Variants in CEP63 observed in about 807,000 individuals in gnomAD.
CEP63 encodes centrosomal protein of 63 kDa.
A neutral mutation model predicts 89.1 loss-of-function variants in CEP63; 84 were observed. The ratio of observed to expected loss-of-function variants is 0.94; its 90% CI spans 0.79 to 1.13. The LOEUF (loss-of-function observed/expected upper bound fraction) is 1.13. CEP63 is among the 50% of genes most tolerant of loss of function. The pLI, the probability that CEP63 is intolerant of heterozygous loss-of-function variation, is 0.00. For synonymous variants in CEP63, 267 were observed against 272.5 expected (o/e 0.98, Z 0.20); for missense variants, 838 against 813.3 (o/e 1.03, Z -0.37).
At chr3:134,665,766 C>A in the CEP63 span, among the ~76,000 whole-genome samples, 1 of 150,350 alleles carries the variant, frequency 6.7e-6, no homozygotes, top group Non-Finnish European at 1.5e-5. Flanking sequence ...GAGAGACAGA[C>A]AAACAGACAC....
downstream of CEP63, among the ~76,000 whole-genome samples, chr3:134,577,325 A>G (rs111799798): frequency 6.7e-6 from 1 of 150,074 alleles, no homozygotes; most frequent in Non-Finnish European, 1.5e-5. Flanking sequence ...AGCATGGATG[A>G]TTTTTTCTCT....
chr3:134,650,578 G>A, the CEP63 span, among the ~76,000 whole-genome samples: 92,670 of 152,074 alleles, frequency 0.61, 29,040 homozygotes, highest in East Asian at 0.89. Context: ...CAGGGGTGAC[G>A]GAAGCACCCA....
the CEP63 span, among the ~76,000 whole-genome samples, chr3:134,682,777 G>T: frequency 6.6e-6 from 1 of 152,168 alleles, no homozygotes; most frequent in Non-Finnish European, 1.5e-5. Flanking sequence ...CCACTACTCA[G>T]AGGAAGGTAC....
At chr3:134,548,719 C>T (rs1374578022) in intron 9 of CEP63, among the ~76,000 whole-genome samples, 1 of 152,124 alleles carries the variant, frequency 6.6e-6, no homozygotes, top group African/African-American at 2.4e-5. Flanking sequence ...TTACTTTTAT[C>T]TACATGTTAA....
At chr3:134,757,877 G>A in the CEP63 span, among the ~76,000 whole-genome samples, 48 of 152,110 alleles carry the variant, frequency 3.2e-4, no homozygotes, top group Non-Finnish European at 1.8e-4. Flanking sequence ...GTGCCCCTCC[G>A]TGGAGGGGAA....
chr3:134,711,338 G>C, the CEP63 span, among the ~76,000 whole-genome samples: 1 of 152,062 alleles, frequency 6.6e-6, no homozygotes, highest in Non-Finnish European at 1.5e-5. Context: ...TCCTAATGTG[G>C]CAGGCAATCT....
intron 3 of CEP63, among the ~76,000 whole-genome samples, chr3:134,529,413 T>C (rs1478882464): frequency 4.3e-5 from 6 of 140,196 alleles, no homozygotes; most frequent in Non-Finnish European, 7.5e-5. Flanking sequence ...CCATCTCAGC[T>C]CAGTGCAACC....
intron 3 of CEP63, among the ~76,000 whole-genome samples, chr3:134,531,184 A>G (rs1197686426): frequency 6.6e-6 from 1 of 152,236 alleles, no homozygotes; most frequent in Non-Finnish European, 1.5e-5. Context: ...AAGGTCTTCT[A>G]GATTTTTTAT....
chr3:134,712,091 GT>G, the CEP63 span, among the ~76,000 whole-genome samples: 7 of 152,096 alleles, frequency 4.6e-5, no homozygotes, highest in Non-Finnish European at 8.8e-5. Flanking sequence ...TGTGACTTTT[GT>G]TTGTTTCTCT....
At chr3:134,651,675 A>AC in the CEP63 span, 2 of 915,648 alleles carry the variant, frequency 2.2e-6, no homozygotes, top group African/African-American at 3.6e-5. Flanking sequence ...TATCAAGCTA[A>AC]CGATCCTCTT....
At chr3:134,626,225 C>T in the CEP63 span, among the ~76,000 whole-genome samples, 114 of 152,336 alleles carry the variant, frequency 7.5e-4, 1 homozygote, top group African/African-American at 2.4e-3. Flanking sequence ...GCCTCCATGT[C>T]GGGAGCCTCT....
chr3:134,548,427 A>C (rs910185327), intron 9 of CEP63, among the ~76,000 whole-genome samples: 1 of 152,132 alleles, frequency 6.6e-6, no homozygotes, highest in African/African-American at 2.4e-5. Context: ...ACCCACCTAA[A>C]CACTTGTCAT....
At chr3:134,567,237 T>C (rs1016674265), downstream of CEP63, among the ~76,000 whole-genome samples, 1 of 149,384 alleles carries the variant, frequency 6.7e-6, no homozygotes, top group Non-Finnish European at 1.5e-5. Context: ...GAAAATAGAT[T>C]GGTAGTTGCT....
the CEP63 span, chr3:134,629,447 TAGAGA>T: frequency 1.7e-6 from 1 of 573,580 alleles, no homozygotes; most frequent in Non-Finnish European, 3.1e-6. Context: ...TAGCTGGGTG[TAGAGA>T]AAAGAGTCTC....
chr3:134,525,303 A>T (rs1247172359), intron 3 of CEP63, among the ~76,000 whole-genome samples: 1 of 151,530 alleles, frequency 6.6e-6, no homozygotes, highest in Non-Finnish European at 1.5e-5. Flanking sequence ...GTCTGTTTTA[A>T]TTTTTTCAAG....
the CEP63 span, among the ~76,000 whole-genome samples, chr3:134,655,785 G>T: frequency 2.0e-5 from 3 of 152,190 alleles, no homozygotes; most frequent in Non-Finnish European, 4.4e-5. Flanking sequence ...GGGGTTTCAA[G>T]ACCTCTGTTG....
chr3:134,709,797 T>C, the CEP63 span, among the ~76,000 whole-genome samples: 3 of 152,210 alleles, frequency 2.0e-5, no homozygotes, highest in Non-Finnish European at 2.9e-5. Flanking sequence ...TTAGCAGTTA[T>C]TATGAGTCAC....
At chr3:134,546,603 C>T (rs1387806639) in intron 8 of CEP63, among the ~76,000 whole-genome samples, 1 of 152,078 alleles carries the variant, frequency 6.6e-6, no homozygotes, top group Non-Finnish European at 1.5e-5. Flanking sequence ...GTGATCTGCC[C>T]ACCTCAGCCT....
At chr3:134,592,636 A>G (rs1386930648), downstream of CEP63, among the ~76,000 whole-genome samples, 1 of 152,004 alleles carries the variant, frequency 6.6e-6, no homozygotes. Flanking sequence ...CTGTTTTCTC[A>G]GTGATACCCT....
Sources: gnomAD v4.1 joint callset for allele counts (sites outside exome capture counted in the v4.1 genomes callset) on GRCh38, gnomAD v4.1.1 for gene constraint, MANE v1.5 for transcripts, NCBI Gene and HGNC (gene_info 2026-07-23, HGNC 2026-07-21) for gene names.